Variants in LRRTM2 observed in about 807,000 individuals in gnomAD.
LRRTM2 encodes the protein leucine rich repeat transmembrane neuronal 2, also known as leucine-rich repeat transmembrane neuronal protein 2.
LRRTM2 carries 14 observed loss-of-function variants against 40.7 expected under a neutral mutation model. The ratio of observed to expected loss-of-function variants is 0.34; its 90% CI spans 0.23 to 0.54. The LOEUF (loss-of-function observed/expected upper bound fraction) is 0.54. Ranked by LOEUF, LRRTM2 falls within the 20% of genes least tolerant of loss-of-function variation. The pLI is 0.92. For missense variants in LRRTM2, 468 were observed against 624.4 expected (o/e 0.75, Z 2.67); for synonymous variants, 223 against 237.6 (o/e 0.94, Z 0.57).
chr5:138,872,322 T>C lies in LRRTM2; in HGVS notation c.*688A>G, dbSNP rs1483894151. ...TTATTTAGGATTGGTTTCATTGTAATGAGACCTTTTCACAGTCACTTGGAT... is the reference window on the plus strand; with the variant it reads ...TTATTTAGGATTGGTTTCATTGTAACGAGACCTTTTCACAGTCACTTGGAT... On this transcript the variant is annotated 3_prime_UTR_variant, in exon 2 of 2. Coordinates refer to ENST00000274711, the MANE Select transcript of LRRTM2 (RefSeq NM_015564.3). 6.6e-6 allele frequency: 1 copy of C among 152,634 alleles called. No individual in the cohort carries two copies. Among genetic ancestry groups the C allele is most frequent in the Admixed American group, 6.5e-5 (1 of 15,282 alleles). The allele number at this position is 152,634 out of a possible 1,614,324, so 9.5% of individuals were successfully genotyped here. A position where few individuals can be genotyped will look rare whatever the true frequency, so the allele number is the denominator to read the frequency against.
Position 138,872,713 on chromosome 5 carries a change from C to T in LRRTM2, c.*297G>A, listed in dbSNP as rs10062763. On this transcript the variant is annotated 3_prime_UTR_variant, in exon 2 of 2. Transcript: ENST00000274711. ...AGTAGAAAAAAATAGTATATGGAGA[C>T]CTTAGTGTAAAGGTTTACACACGAT... is the stretch of plus-strand genomic sequence containing the variant. 1 of 232,514 alleles carries T rather than the reference C, an allele frequency of 4.3e-6. No individual in the cohort carries two copies. Among genetic ancestry groups the T allele is most frequent in the Non-Finnish European group, 8.4e-6 (1 of 119,704 alleles). 14.4% of individuals were successfully genotyped at this position (232,514 alleles called of 1,614,324 possible).
chr5:138,874,650 A>C lies in LRRTM2; in HGVS notation c.5-94T>G. The C allele has an allele frequency of 1.2e-6, 1 of 832,842 alleles. No homozygotes were observed. Among genetic ancestry groups the C allele is most frequent in the Non-Finnish European group, 1.8e-6 (1 of 546,316 alleles). 51.6% of individuals were successfully genotyped at this position (832,842 alleles called of 1,614,324 possible). The stretch of plus-strand genomic sequence containing the variant: ...AAAAAACAACCACCACCAACATTAT[A>C]GCAAAAGATTTCACTGCATATAACT... On this transcript the variant is annotated intron_variant, in intron 1 of 1. Coordinates refer to ENST00000274711, the MANE Select transcript of LRRTM2 (RefSeq NM_015564.3). This position sits in a 1 kb window ranked among gnomAD's most constrained non-coding sequence, Gnocchi z 4.1.
Position 138,869,184 on chromosome 5 carries a change from A to AG in LRRTM2, c.*3825_*3826insC. 6.6e-6 allele frequency: 1 copy of AG among 151,892 alleles called. No homozygotes were observed. The highest frequency in any genetic ancestry group is 6.6e-5 in the Admixed American group (1 of 15,258). The allele number at this position is 151,892 out of a possible 1,614,324, so 9.4% of individuals were successfully genotyped here. On this transcript the variant is annotated 3_prime_UTR_variant, in exon 2 of 2. Transcript: ENST00000274711. ...CCATATATCAGACTTAAAAAAAAAA[A>AG]AAAAAACCGCTAAGGACAAAAATGT... is the stretch of plus-strand genomic sequence containing the variant.
chr5:138,873,496 A>G lies in LRRTM2; in HGVS notation c.1065T>C (p.His355=), dbSNP rs1046943475. ...ACAAATTCCAGCAGAGCTGAAATCC[A>G]TGGACTGCATCTAGAATATCCTCTC... is the stretch of plus-strand genomic sequence containing the variant. ...TQGEDILDAV[H]GFQLCWNLST... Residue 355 remains histidine (H), a synonymous_variant, in exon 2 of 2, where the codon CAT becomes CAC. Transcript: ENST00000274711. The surrounding 1 kb of genome is among the most constrained non-coding windows in gnomAD (Gnocchi z 6.1). 1.9e-6 allele frequency: 3 copies of G among 1,614,054 alleles called. No homozygotes were observed. Among genetic ancestry groups the G allele is most frequent in the African/African-American group, 2.7e-5 (2 of 75,056 alleles).
In LRRTM2 at chr5:138,872,690, T is replaced by C; in HGVS notation, c.*320A>G. 5.1e-6 allele frequency: 1 copy of C among 194,558 alleles called. No homozygotes were observed. The highest frequency in any genetic ancestry group is 1.0e-5 in the Non-Finnish European group (1 of 95,422). 12.1% of individuals were successfully genotyped at this position (194,558 alleles called of 1,614,324 possible). A position where few individuals can be genotyped will look rare whatever the true frequency, so the allele number is the denominator to read the frequency against. ...TAGCTTCTTTCTAAATTGTTTTCAG[T>C]AGAAAAAAATAGTATATGGAGACCT... is the stretch of plus-strand genomic sequence containing the variant. On this transcript the variant is annotated 3_prime_UTR_variant, in exon 2 of 2. Coordinates refer to ENST00000274711, the MANE Select transcript of LRRTM2 (RefSeq NM_015564.3).
Position 138,874,763 on chromosome 5 carries a change from CTG to C in LRRTM2, c.4+143_4+144del, listed in dbSNP as rs1751118779. The stretch of plus-strand genomic sequence containing the variant: ...TTTAAAAAGAAGATAAAACATGTCT[CTG>C]TCATCATCGATATATGCTTTTACCT... On this transcript the variant is annotated intron_variant, in intron 1 of 1. Coordinates refer to ENST00000274711, the MANE Select transcript of LRRTM2 (RefSeq NM_015564.3). The surrounding 1 kb of genome is among the most constrained non-coding windows in gnomAD (Gnocchi z 4.1). 9 of 802,680 alleles carry C rather than the reference CTG, an allele frequency of 1.1e-5. No homozygotes were observed. In the South Asian group the frequency reaches 1.6e-4, roughly 14 times the overall value. The allele number at this position is 802,680 out of a possible 1,614,324, so 49.7% of individuals were successfully genotyped here.
chr5:138,874,442 C>A lies in LRRTM2; in HGVS notation c.119G>T (p.Cys40Phe). The part of the protein sequence containing the change: ...LGMACPPKCR[C>F]EKLLFYCDSQ... ...GTCGCAGTAGAAGAGCAGCTTCTCG[C>A]AGCGGCATTTGGGTGGACACGCCAT... is the stretch of plus-strand genomic sequence containing the variant. Residue 40 changes from cysteine to phenylalanine, a missense_variant, in exon 2 of 2, where the codon TGC becomes TTC. Transcript: ENST00000274711. The surrounding 1 kb of genome is among the most constrained non-coding windows in gnomAD (Gnocchi z 4.1). 2 of 1,613,794 alleles carry A rather than the reference C, an allele frequency of 1.2e-6. No individual in the cohort carries two copies. The highest frequency in any genetic ancestry group is 1.7e-6 in the Non-Finnish European group (2 of 1,179,818).
At position 138,869,159 on chromosome 5, in the gene LRRTM2, C is replaced by A. The variant is rs1201880836; in HGVS notation, c.*3851G>T. On this transcript the variant is annotated 3_prime_UTR_variant, in exon 2 of 2. Transcript: ENST00000274711. ...TTGATAGGAAGGTTCACCAAACATT[C>A]CATATATCAGACTTAAAAAAAAAAA... 6.9e-6 allele frequency: 1 copy of A among 144,350 alleles called. No individual in the cohort carries two copies. The highest frequency in any genetic ancestry group is 1.5e-5 in the Non-Finnish European group (1 of 66,158). The allele number at this position is 144,350 out of a possible 1,614,324, so 8.9% of individuals were successfully genotyped here. A position where few individuals can be genotyped will look rare whatever the true frequency, so the allele number is the denominator to read the frequency against.
At position 138,873,916 on chromosome 5, in the gene LRRTM2, G is replaced by A. The variant is rs1362720670; in HGVS notation, c.645C>T (p.Asn215=). 4.3e-6 allele frequency: 7 copies of A among 1,613,976 alleles called. 1 individual carries two copies. In the Admixed American group the frequency reaches 1.0e-4, roughly 23 times the overall value. Residue 215 remains asparagine, a synonymous_variant, in exon 2 of 2, where the codon AAC becomes AAT. Transcript: ENST00000274711. This position sits in a 1 kb window ranked among gnomAD's most constrained non-coding sequence, Gnocchi z 6.1. Reference sequence around the variant, plus strand: ...GAGCAAAATTAATCTTCGTCAGCTGGTTGTGCTCTAGGTGAAGCTCTCTCA... The same window carrying A: ...GAGCAAAATTAATCTTCGTCAGCTGATTGTGCTCTAGGTGAAGCTCTCTCA... ...IKLRELHLEH[N]QLTKINFAHF...
Position 138,873,933 on chromosome 5 carries a change from GCT to G in LRRTM2, c.626_627del (p.Glu209AlafsTer12). 6.2e-7 allele frequency: 1 copy of G among 1,613,992 alleles called. No homozygotes were observed. The highest frequency in any genetic ancestry group is 8.5e-7 in the Non-Finnish European group (1 of 1,179,894). On this transcript the variant is annotated frameshift_variant, in exon 2 of 2. Coordinates refer to ENST00000274711, the MANE Select transcript of LRRTM2 (RefSeq NM_015564.3). LOFTEE classifies it high-confidence loss of function. This position sits in a 1 kb window ranked among gnomAD's most constrained non-coding sequence, Gnocchi z 6.1. ...NGFAGLIKLR[E>X]LHLEHNQLTK... ...GTCAGCTGGTTGTGCTCTAGGTGAA[GCT>G]CTCTCAGTTTAATTAATCCTGCAAA...
Position 138,873,910 on chromosome 5 carries a change from C to T in LRRTM2, c.651G>A (p.Leu217=), listed in dbSNP as rs529620639. The T allele has an allele frequency of 3.1e-6, 5 of 1,613,978 alleles. No individual in the cohort carries two copies. The South Asian group carries it at 4.4e-5, about 14-fold the overall frequency. The change falls in exon 2 of 2, where the codon CTG becomes CTA. Residue 217 remains leucine (L), a synonymous_variant. Coordinates refer to ENST00000274711, the MANE Select transcript of LRRTM2 (RefSeq NM_015564.3). This position sits in a 1 kb window ranked among gnomAD's most constrained non-coding sequence, Gnocchi z 6.1. ...LRELHLEHNQ[L]TKINFAHFLR... ...GGAAATGAGCAAAATTAATCTTCGT[C>T]AGCTGGTTGTGCTCTAGGTGAAGCT...
rs1339709515 is a variant in LRRTM2, at chr5:138,870,073, A to G, written c.*2937T>C. ...GAGATTAATTATTTTTCTGGTTCTT[A>G]ATGGTCATTTTCCTCTAATCTTAAA... On this transcript the variant is annotated 3_prime_UTR_variant, in exon 2 of 2. Coordinates refer to ENST00000274711, the MANE Select transcript of LRRTM2 (RefSeq NM_015564.3). 6.6e-6 allele frequency: 1 copy of G among 152,146 alleles called. No homozygotes were observed. Among genetic ancestry groups the G allele is most frequent in the Middle Eastern group, 3.2e-3 (1 of 316 alleles). 9.4% of individuals were successfully genotyped at this position (152,146 alleles called of 1,614,324 possible).
rs907059442 is a variant in LRRTM2, at chr5:138,871,750, C to T, written c.*1260G>A. 1 of 152,274 alleles carries T rather than the reference C, an allele frequency of 6.6e-6. No individual in the cohort carries two copies. Among genetic ancestry groups the T allele is most frequent in the African/African-American group, 2.4e-5 (1 of 41,472 alleles). 9.4% of individuals were successfully genotyped at this position (152,274 alleles called of 1,614,324 possible). A position where few individuals can be genotyped will look rare whatever the true frequency, so the allele number is the denominator to read the frequency against. ...CGAGTTGTTCTGCCATGAGATTCAT[C>T]TCAGTGGTGCTGTTTTCTTCACCTA... On this transcript the variant is annotated 3_prime_UTR_variant, in exon 2 of 2. Transcript: ENST00000274711.
Position 138,872,833 on chromosome 5 carries a change from T to C in LRRTM2, c.*177A>G. The C allele has an allele frequency of 2.0e-6, 1 of 508,686 alleles. No homozygotes were observed. The highest frequency in any genetic ancestry group is 3.4e-6 in the Non-Finnish European group (1 of 292,790). The allele number at this position is 508,686 out of a possible 1,614,324, so 31.5% of individuals were successfully genotyped here. A position where few individuals can be genotyped will look rare whatever the true frequency, so the allele number is the denominator to read the frequency against. On this transcript the variant is annotated 3_prime_UTR_variant, in exon 2 of 2. Coordinates refer to ENST00000274711, the MANE Select transcript of LRRTM2 (RefSeq NM_015564.3). ...ATGTGAGCATTGATTCATTTAACAC[T>C]TAAAATATGGTTTCATTTAAAAAAT...
In LRRTM2 at chr5:138,875,053, AC is replaced by A; in HGVS notation, c.-143del. 1.3e-6 allele frequency: 1 copy of A among 765,224 alleles called. No homozygotes were observed. The highest frequency in any genetic ancestry group is 2.1e-6 in the Non-Finnish European group (1 of 468,290). 47.4% of individuals were successfully genotyped at this position (765,224 alleles called of 1,614,324 possible). On this transcript the variant is annotated 5_prime_UTR_variant, in exon 1 of 2. Transcript: ENST00000274711. ...AGGCTTTCCAAGTAAAATTGAATCC[AC>A]CAGGACGAGTTGTTTTTTCCTTAGG... is the stretch of plus-strand genomic sequence containing the variant.
chr5:138,870,150 CA>C lies in LRRTM2; in HGVS notation c.*2859del, dbSNP rs1422902413. 1.3e-5 allele frequency: 2 copies of C among 152,128 alleles called. No homozygotes were observed. Among genetic ancestry groups the C allele is most frequent in the Non-Finnish European group, 2.9e-5 (2 of 68,020 alleles). 9.4% of individuals were successfully genotyped at this position (152,128 alleles called of 1,614,324 possible). A position where few individuals can be genotyped will look rare whatever the true frequency, so the allele number is the denominator to read the frequency against. On this transcript the variant is annotated 3_prime_UTR_variant, in exon 2 of 2. Coordinates refer to ENST00000274711, the MANE Select transcript of LRRTM2 (RefSeq NM_015564.3). Reference sequence around the variant, plus strand: ...GGTGGTGAAGAGGATAAAACCCCATCAAAAAACAAAAGCTCTGACACTGTGT... The same window carrying C: ...GGTGGTGAAGAGGATAAAACCCCATCAAAAACAAAAGCTCTGACACTGTGT...
Position 138,872,831 on chromosome 5 carries a change from A to G in LRRTM2, c.*179T>C, listed in dbSNP as rs1750803303. 1 of 503,004 alleles carries G rather than the reference A, an allele frequency of 2.0e-6. No individual in the cohort carries two copies. The highest frequency in any genetic ancestry group is 3.5e-6 in the Non-Finnish European group (1 of 289,136). The allele number at this position is 503,004 out of a possible 1,614,324, so 31.2% of individuals were successfully genotyped here. ...TAATGTGAGCATTGATTCATTTAAC[A>G]CTTAAAATATGGTTTCATTTAAAAA... On this transcript the variant is annotated 3_prime_UTR_variant, in exon 2 of 2. Coordinates refer to ENST00000274711, the MANE Select transcript of LRRTM2 (RefSeq NM_015564.3).
rs1165256990 is a variant in LRRTM2 at position 138,870,950 on chromosome 5, A to G, written c.*2060T>C. 2 of 152,188 alleles carry G rather than the reference A, an allele frequency of 1.3e-5. No individual in the cohort carries two copies. The highest frequency in any genetic ancestry group is 2.9e-5 in the Non-Finnish European group (2 of 68,046). 9.4% of individuals were successfully genotyped at this position (152,188 alleles called of 1,614,324 possible). A position where few individuals can be genotyped will look rare whatever the true frequency, so the allele number is the denominator to read the frequency against. On this transcript the variant is annotated 3_prime_UTR_variant, in exon 2 of 2. Transcript: ENST00000274711. ...ACAAAATACTCACCACTCGAGATCAACTGAATTGAACTGGGCTGAGACTTT... is the reference window on the plus strand; with the variant it reads ...ACAAAATACTCACCACTCGAGATCAGCTGAATTGAACTGGGCTGAGACTTT...
rs749222766 is a variant in LRRTM2, at chr5:138,874,056, G to A, written c.505C>T (p.Leu169=). The A allele has an allele frequency of 6.2e-7, 1 of 1,613,988 alleles. No homozygotes were observed. The change falls in exon 2 of 2, where the codon CTG becomes TTG. Residue 169 remains leucine (L), a synonymous_variant. Coordinates refer to ENST00000274711, the MANE Select transcript of LRRTM2 (RefSeq NM_015564.3). The surrounding 1 kb of genome is among the most constrained non-coding windows in gnomAD (Gnocchi z 4.1). ...AACAGGCGTACTGGGATAGTCCGCA[G>A]GGAGTTGGAACGTAAATGCAAGGTC... ...LQTLHLRSNS[L]RTIPVRLFWD...
Sources: gnomAD v4.1 joint callset for allele counts on GRCh38, gnomAD v4.1.1 for gene constraint, Gnocchi (gnomAD v3.1) non-coding constraint, MANE v1.5 for transcripts, NCBI Gene and HGNC (gene_info 2026-07-23, HGNC 2026-07-21) for gene names.